Variants in NDFIP2 observed in about 807,000 individuals in gnomAD.
NDFIP2 encodes NEDD4 family-interacting protein 2.
NDFIP2 carries 19 observed loss-of-function variants against 36.0 expected under a neutral mutation model. The observed-to-expected ratio is 0.53, with a 90% confidence interval of 0.37 to 0.77. The LOEUF is 0.77. Ranked by LOEUF, NDFIP2 falls within the 30% of genes least tolerant of loss-of-function variation. The pLI, the probability that NDFIP2 is intolerant of heterozygous loss-of-function variation, is 0.00. For synonymous variants in NDFIP2, 181 were observed against 167.7 expected (o/e 1.08, Z -0.61); for missense variants, 446 against 435.8 (o/e 1.02, Z -0.21).
chr13:79,489,952 G>A (rs1873162077), intron 1 of NDFIP2, among the ~76,000 whole-genome samples: 1 of 152,194 alleles, frequency 6.6e-6, no homozygotes, highest in Admixed American at 6.5e-5. Context: ...GGCCTGTGAT[G>A]AGGAAGTCAA....
At chr13:79,502,349 C>T (rs1656065552) in intron 1 of NDFIP2, among the ~76,000 whole-genome samples, 1 of 151,652 alleles carries the variant, frequency 6.6e-6, no homozygotes, top group South Asian at 2.1e-4. Context: ...CTAACAGTAA[C>T]TCTAACAATA....
At chr13:79,509,273 G>C (rs1000318216) in intron 1 of NDFIP2, among the ~76,000 whole-genome samples, 2 of 152,142 alleles carry the variant, frequency 1.3e-5, no homozygotes, top group Non-Finnish European at 2.9e-5. Flanking sequence ...GGAAAGGTGG[G>C]ACAATGGGTA....
chr13:79,531,535 C>T (rs1442583373), intron 2 of NDFIP2, among the ~76,000 whole-genome samples: 1 of 152,212 alleles, frequency 6.6e-6, no homozygotes, highest in Non-Finnish European at 1.5e-5. Flanking sequence ...TAGCCACCAT[C>T]ATCAATGATC....
chr13:79,481,389 G>A lies in NDFIP2; in HGVS notation c.186G>A (p.Arg62=), dbSNP rs2079811430. ...GDRGCRNGGG[R]GPAATTSSTG... ...GCGGCTGCAGGAACGGAGGCGGAAG[G>A]GGCCCTGCGGCGACGACGTCGTCGA... The change falls in exon 1 of 8, where the codon AGG becomes AGA. Residue 62 remains arginine, a synonymous_variant. Coordinates refer to ENST00000218652, the MANE Select transcript of NDFIP2 (RefSeq NM_019080.3). 6.4e-7 allele frequency: 1 copy of A among 1,555,572 alleles called. No homozygotes were observed. Among genetic ancestry groups the A allele is most frequent in the Non-Finnish European group, 8.7e-7 (1 of 1,149,552 alleles).
chr13:79,494,637 T>TA (rs894517770), intron 1 of NDFIP2, among the ~76,000 whole-genome samples: 3 of 151,990 alleles, frequency 2.0e-5, no homozygotes, highest in African/African-American at 7.2e-5. Flanking sequence ...ACAGCTATCA[T>TA]ACTGAGACTT....
chr13:79,525,528 T>G (rs1017263591), intron 2 of NDFIP2, among the ~76,000 whole-genome samples: 14 of 152,202 alleles, frequency 9.2e-5, no homozygotes, highest in Non-Finnish European at 2.1e-4. Context: ...CTCTTGTGTT[T>G]TGGAGCCATT....
intron 3 of NDFIP2, among the ~76,000 whole-genome samples, chr13:79,536,643 A>G (rs907158763): frequency 6.6e-6 from 1 of 152,198 alleles, no homozygotes; most frequent in Non-Finnish European, 1.5e-5. Flanking sequence ...TGTAATCAAT[A>G]TGCTATTGAA....
intron 2 of NDFIP2, among the ~76,000 whole-genome samples, chr13:79,532,429 T>C (rs1594855408): frequency 6.6e-6 from 1 of 152,330 alleles, no homozygotes; most frequent in African/African-American, 2.4e-5. Context: ...TGTGTGTGTG[T>C]CAGTGACTCT....
intron 1 of NDFIP2, among the ~76,000 whole-genome samples, chr13:79,508,876 T>C (rs371460069): frequency 6.6e-5 from 10 of 152,196 alleles, no homozygotes; most frequent in African/African-American, 1.9e-4. Flanking sequence ...AATTAACTTA[T>C]ACTCTTACTA....
chr13:79,516,705 A>G (rs762834295), intron 1 of NDFIP2, among the ~76,000 whole-genome samples: 2 of 152,154 alleles, frequency 1.3e-5, no homozygotes, highest in Non-Finnish European at 2.9e-5. Flanking sequence ...TCTAACCTAC[A>G]TCCAAATTAA....
At chr13:79,521,755 A>AT (rs1263711638) in intron 2 of NDFIP2, among the ~76,000 whole-genome samples, 1 of 147,748 alleles carries the variant, frequency 6.8e-6, no homozygotes, top group Non-Finnish European at 1.5e-5. Context: ...ACTGAAAATC[A>AT]TTTTTTCATG....
At chr13:79,544,585 T>A (rs1380841406) in intron 5 of NDFIP2, among the ~76,000 whole-genome samples, 1 of 151,994 alleles carries the variant, frequency 6.6e-6, no homozygotes, top group Non-Finnish European at 1.5e-5. Flanking sequence ...ACCTACACAT[T>A]TTAAATGCTG....
At chr13:79,510,494 A>C (rs776994362) in intron 1 of NDFIP2, among the ~76,000 whole-genome samples, 3 of 151,920 alleles carry the variant, frequency 2.0e-5, no homozygotes, top group Non-Finnish European at 2.9e-5. Flanking sequence ...AAGGCAGCTT[A>C]ATAGGAAAAA....
At chr13:79,528,012 C>G (rs751645849) in intron 2 of NDFIP2, among the ~76,000 whole-genome samples, 4 of 152,066 alleles carry the variant, frequency 2.6e-5, no homozygotes, top group Non-Finnish European at 5.9e-5. Flanking sequence ...GCCTATAATT[C>G]CAGTACTTTG....
chr13:79,548,098 GT>G (rs1398951238), intron 5 of NDFIP2, among the ~76,000 whole-genome samples: 1 of 151,688 alleles, frequency 6.6e-6, no homozygotes, highest in Non-Finnish European at 1.5e-5. Context: ...ACTGGTTTTT[GT>G]TTCTAAAAAT....
rs1196093620 is a variant in NDFIP2, at chr13:79,553,592, AGCTTCTT to A, written c.*1084_*1090del. 1 of 151,866 alleles carries A rather than the reference AGCTTCTT, an allele frequency of 6.6e-6. No homozygotes were observed. The highest frequency in any genetic ancestry group is 1.5e-5 in the Non-Finnish European group (1 of 67,510). The allele number at this position is 151,866 out of a possible 1,614,324, so 9.4% of individuals were successfully genotyped here. A position where few individuals can be genotyped will look rare whatever the true frequency, so the allele number is the denominator to read the frequency against. On this transcript the variant is annotated 3_prime_UTR_variant, in exon 8 of 8. Transcript: ENST00000218652. ...GCAAATAAAATCTTGTACTATGAAT[AGCTTCTT>A]GCTTTATGACTTTAGGATTAACTTG...
intron 1 of NDFIP2, among the ~76,000 whole-genome samples, chr13:79,499,366 A>G (rs1364300212): frequency 6.6e-6 from 1 of 151,990 alleles, no homozygotes; most frequent in African/African-American, 2.4e-5. Context: ...TCATACTAGA[A>G]GTTCTAGCTC....
At chr13:79,527,534 A>C (rs1171537004) in intron 2 of NDFIP2, among the ~76,000 whole-genome samples, 1 of 152,218 alleles carries the variant, frequency 6.6e-6, no homozygotes, top group Non-Finnish European at 1.5e-5. Context: ...ATGGTGCTGA[A>C]AAATTTCTGT....
intron 1 of NDFIP2, among the ~76,000 whole-genome samples, chr13:79,517,224 C>T (rs941043141): frequency 1.3e-5 from 2 of 152,008 alleles, no homozygotes; most frequent in Non-Finnish European, 2.9e-5. Flanking sequence ...TCAGGAGGCT[C>T]ATAAGTAGGA....
Sources: gnomAD v4.1 joint callset for allele counts (sites outside exome capture counted in the v4.1 genomes callset) on GRCh38, gnomAD v4.1.1 for gene constraint, MANE v1.5 for transcripts, NCBI Gene and HGNC (gene_info 2026-07-23, HGNC 2026-07-21) for gene names.